SLC71A2: variants seen among roughly 807,000 people sequenced by gnomAD.
SLC71A2 encodes the protein hippocampus abundant transcript-like 1.
chr9:94,418,775 T>TTTC, the SLC71A2 span, among the ~76,000 whole-genome samples: 47 of 139,420 alleles, frequency 3.4e-4, no homozygotes, highest in Middle Eastern at 3.9e-3. Flanking sequence ...TTTTTTTTTT[T>TTTC]CACGAGTGGG....
the SLC71A2 span, among the ~76,000 whole-genome samples, chr9:94,383,076 C>T: frequency 6.7e-6 from 1 of 149,734 alleles, no homozygotes; most frequent in Non-Finnish European, 1.5e-5. Context: ...TTATATGGTG[C>T]AAAATAAGGA....
the SLC71A2 span, among the ~76,000 whole-genome samples, chr9:94,398,141 A>G: frequency 6.6e-6 from 1 of 151,508 alleles, no homozygotes; most frequent in Non-Finnish European, 1.5e-5. Context: ...ATTATCCCCA[A>G]ATCCAATATT....
chr9:94,384,831 A>T, the SLC71A2 span, among the ~76,000 whole-genome samples: 1 of 152,198 alleles, frequency 6.6e-6, no homozygotes, highest in Non-Finnish European at 1.5e-5. Context: ...TAAAAAAAAA[A>T]TAGTGGGAAC....
the SLC71A2 span, chr9:94,454,119 A>C: frequency 3.3e-5 from 44 of 1,333,568 alleles, 1 homozygote; most frequent in Non-Finnish European, 4.5e-5. Flanking sequence ...GATGCCTCTT[A>C]GAGGAGCTTG....
At chr9:94,386,084 C>G in the SLC71A2 span, among the ~76,000 whole-genome samples, 1 of 152,010 alleles carries the variant, frequency 6.6e-6, no homozygotes, top group East Asian at 1.9e-4. Context: ...GATAGTAAGT[C>G]TTCCTTCCTG....
chr9:94,398,070 G>C, the SLC71A2 span, among the ~76,000 whole-genome samples: 1,202 of 151,506 alleles, frequency 7.9e-3, 19 homozygotes, highest in African/African-American at 0.028. Flanking sequence ...AGATTTGCTT[G>C]TTCTTTTCTA....
chr9:94,389,479 G>A, the SLC71A2 span, among the ~76,000 whole-genome samples: 1 of 151,266 alleles, frequency 6.6e-6, no homozygotes, highest in Admixed American at 6.6e-5. Context: ...AGGCTTCACC[G>A]TGTTGGCCAG....
At chr9:94,419,538 C>T in the SLC71A2 span, among the ~76,000 whole-genome samples, 1 of 152,122 alleles carries the variant, frequency 6.6e-6, no homozygotes, top group South Asian at 2.1e-4. Context: ...ATCTCCTGAC[C>T]TCGTGATCCG....
At chr9:94,457,898 CTCTAGGGAGA>C in the SLC71A2 span, among the ~76,000 whole-genome samples, 1 of 152,102 alleles carries the variant, frequency 6.6e-6, no homozygotes, top group East Asian at 1.9e-4. Flanking sequence ...CAGTGTAGGT[CTCTAGGGAGA>C]TAGGCTGGAA....
the SLC71A2 span, chr9:94,374,690 G>C: frequency 6.5e-6 from 1 of 154,880 alleles, no homozygotes; most frequent in Non-Finnish European, 1.4e-5. Context: ...CGGCGCCGCC[G>C]CTGGCGCCGC....
At chr9:94,454,792 T>C in the SLC71A2 span, among the ~76,000 whole-genome samples, 4 of 152,208 alleles carry the variant, frequency 2.6e-5, no homozygotes, top group Admixed American at 2.6e-4. Flanking sequence ...CCTTGATAAA[T>C]CATTTGAGTT....
the SLC71A2 span, among the ~76,000 whole-genome samples, chr9:94,377,302 C>CA: frequency 6.6e-6 from 1 of 151,908 alleles, no homozygotes; most frequent in Non-Finnish European, 1.5e-5. Flanking sequence ...CAGTGACACT[C>CA]ATGATTTCAG....
the SLC71A2 span, chr9:94,374,572 A>T: frequency 6.6e-6 from 1 of 152,600 alleles, no homozygotes; most frequent in Admixed American, 6.5e-5. Flanking sequence ...CGCCGCCGGT[A>T]ACTGCGAGAG....
chr9:94,394,069 A>T, the SLC71A2 span, among the ~76,000 whole-genome samples: 1 of 148,616 alleles, frequency 6.7e-6, no homozygotes, highest in African/African-American at 2.5e-5. Flanking sequence ...ATCTTGGTAG[A>T]GATAAGAATA....
chr9:94,454,980 C>T, the SLC71A2 span, among the ~76,000 whole-genome samples: 5 of 152,004 alleles, frequency 3.3e-5, no homozygotes, highest in African/African-American at 1.2e-4. Flanking sequence ...GCCTGGTGGG[C>T]AGATGCAGAA....
chr9:94,456,412 G>C, the SLC71A2 span: 1 of 1,178,386 alleles, frequency 8.5e-7, no homozygotes, highest in Non-Finnish European at 1.3e-6. Flanking sequence ...GCAGCTCTGA[G>C]TTCTCCCCAT....
chr9:94,414,638 C>T, the SLC71A2 span, among the ~76,000 whole-genome samples: 4 of 152,066 alleles, frequency 2.6e-5, no homozygotes, highest in African/African-American at 7.2e-5. Context: ...TGATTTGCGT[C>T]GATGGGATAG....
At chr9:94,403,719 A>G in the SLC71A2 span, among the ~76,000 whole-genome samples, 3 of 152,010 alleles carry the variant, frequency 2.0e-5, no homozygotes, top group African/African-American at 7.2e-5. Context: ...GAGTAATTCT[A>G]TTTTTAATTT....
the SLC71A2 span, among the ~76,000 whole-genome samples, chr9:94,414,601 C>G: frequency 6.6e-6 from 1 of 152,100 alleles, no homozygotes; most frequent in Non-Finnish European, 1.5e-5. Context: ...TCTTGAAGAT[C>G]CAGTTGATTT....
Sources: allele counts gnomAD v4.1 joint callset (sites outside exome capture counted in the v4.1 genomes callset), GRCh38; gene constraint gnomAD v4.1.1; transcripts MANE v1.5; gene names NCBI Gene and HGNC (gene_info 2026-07-23, HGNC 2026-07-21).